DENND1A: variants seen among roughly 807,000 people sequenced by gnomAD.
The protein encoded by DENND1A is DENN domain containing 1A, also known as DENN domain-containing protein 1A.
Under a neutral mutation model 113.7 loss-of-function variants are expected in DENND1A, and 51 were observed. The observed-to-expected ratio is 0.45, with a 90% CI of 0.36 to 0.57. DENND1A has a LOEUF of 0.57. Among genes scored for constraint, DENND1A ranks in the 20% least tolerant of loss-of-function variants. The pLI is 0.00. For synonymous variants in DENND1A, 565 were observed against 570.8 expected, an observed-to-expected ratio of 0.99 and a Z score of 0.14; for missense variants, 1,258 against 1,395.9, an observed-to-expected ratio of 0.90 and a Z score of 1.57.
chr9:123,566,131 T>C (rs2058040165), intron 12 of DENND1A, among the ~76,000 whole-genome samples: 1 of 152,230 alleles, frequency 6.6e-6, no homozygotes, highest in African/African-American at 2.4e-5. Flanking sequence ...CCAGAGTCTG[T>C]GCTAGTCCAT....
intron 1 of DENND1A, among the ~76,000 whole-genome samples, chr9:123,892,973 T>C (rs1850152197): frequency 6.6e-6 from 1 of 151,820 alleles, no homozygotes; most frequent in Admixed American, 6.6e-5. Context: ...CAGAGTGAGA[T>C]GCCGTCTCAA....
At chr9:123,428,459 A>C (rs1362937515) in intron 19 of DENND1A, among the ~76,000 whole-genome samples, 1 of 152,232 alleles carries the variant, frequency 6.6e-6, no homozygotes, top group East Asian at 1.9e-4. Context: ...TGAATGGGCA[A>C]ACACTGGTAA....
rs1459985769 is a variant in DENND1A at position 123,422,707 on chromosome 9, C to A, written c.1489-10878G>T. Among the ~76,000 whole-genome samples, 1 of 152,200 alleles carries A rather than the reference C, an allele frequency of 6.6e-6. No individual in the cohort carries two copies. Among genetic ancestry groups the A allele is most frequent in the African/African-American group, 2.4e-5 (1 of 41,442 alleles). On this transcript the variant is annotated intron_variant, in intron 19 of 23. Transcript: ENST00000394215. The surrounding 1 kb of genome is among the most constrained non-coding windows in gnomAD (Gnocchi z 4.8). ...AATATCAGAAGGCTGGGGGAATATG[C>A]GGCTCTCCAATTTGTACGGACTGCA...
intron 19 of DENND1A, among the ~76,000 whole-genome samples, chr9:123,424,914 G>GT (rs1438904274): frequency 3.3e-5 from 5 of 152,184 alleles, no homozygotes; most frequent in Non-Finnish European, 7.3e-5. Context: ...CCATCTCTTG[G>GT]TTAGTCCTTG....
chr9:123,807,437 AC>A (rs891042588), intron 2 of DENND1A, among the ~76,000 whole-genome samples: 1 of 152,248 alleles, frequency 6.6e-6, no homozygotes, highest in Non-Finnish European at 1.5e-5. Context: ...ATAATAAATG[AC>A]TAAGCACCTG....
intron 5 of DENND1A, among the ~76,000 whole-genome samples, chr9:123,678,020 T>C (rs1448025253): frequency 6.6e-6 from 1 of 152,106 alleles, no homozygotes; most frequent in African/African-American, 2.4e-5. Context: ...GTCTAGCTGA[T>C]TTCTACTCAT....
chr9:123,424,422 T>C (rs2045556603), intron 19 of DENND1A, among the ~76,000 whole-genome samples: 1 of 152,186 alleles, frequency 6.6e-6, no homozygotes, highest in Non-Finnish European at 1.5e-5. Flanking sequence ...TAAATGTCTC[T>C]AGGATGATTT....
intron 2 of DENND1A, among the ~76,000 whole-genome samples, chr9:123,802,277 G>A (rs1834803617): frequency 6.6e-6 from 1 of 152,118 alleles, no homozygotes; most frequent in Non-Finnish European, 1.5e-5. Flanking sequence ...CCTGGAGGTG[G>A]GATAGATGGC....
chr9:123,855,059 T>G (rs934980905), intron 2 of DENND1A, among the ~76,000 whole-genome samples: 1 of 151,352 alleles, frequency 6.6e-6, no homozygotes, highest in African/African-American at 2.5e-5. Context: ...AATGTCCAGT[T>G]CTATGTAAAT....
At chr9:123,402,009 T>A in intron 21 of DENND1A, 2 of 1,522,522 alleles carry the variant, frequency 1.3e-6, no homozygotes, top group Non-Finnish European at 1.8e-6. Context: ...AGTCCAGTTT[T>A]AAAGAGGGGA....
intron 18 of DENND1A, among the ~76,000 whole-genome samples, chr9:123,446,696 C>T (rs13298363): frequency 0.68 from 102,864 of 152,006 alleles, 36,239 homozygotes; most frequent in Non-Finnish European, 0.78. Context: ...GCATGCCTGT[C>T]GTCCTAGCTA....
Position 123,652,076 on chromosome 9 carries a change from C to T in DENND1A, c.555G>A (p.Leu185=), listed in dbSNP as rs1231088195. 1 of 1,614,120 alleles carries T rather than the reference C, an allele frequency of 6.2e-7. No individual in the cohort carries two copies. The change falls in exon 9 of 24, where the codon TTG becomes TTA. Residue 185 remains leucine (L), a synonymous_variant. Transcript: ENST00000394215. The part of the protein sequence containing the change: ...YFVAVDVNNM[L]HLYASMLYER... ...CGTACAGCATACTGGCGTACAGATG[C>T]AACATGTTGTTAACATCCACAGCCA...
intron 13 of DENND1A, among the ~76,000 whole-genome samples, chr9:123,468,469 T>G (rs540917215): frequency 4.1e-4 from 63 of 152,288 alleles, no homozygotes; most frequent in African/African-American, 1.3e-3. Flanking sequence ...ACAGTCCTTT[T>G]TAAAAACTTA....
chr9:123,652,371 C>G (rs572749708), intron 8 of DENND1A: 1 of 389,550 alleles, frequency 2.6e-6, no homozygotes, highest in Non-Finnish European at 4.8e-6. Context: ...AACATGAGGT[C>G]GCATCCAGCA....
intron 1 of DENND1A, among the ~76,000 whole-genome samples, chr9:123,905,256 C>A (rs1047129686): frequency 1.3e-5 from 2 of 151,740 alleles, no homozygotes; most frequent in African/African-American, 4.9e-5. Flanking sequence ...AAAATCATGC[C>A]AAAATGTAAA....
intron 2 of DENND1A, among the ~76,000 whole-genome samples, chr9:123,858,380 G>A (rs1376670780): frequency 6.6e-6 from 1 of 152,132 alleles, no homozygotes; most frequent in African/African-American, 2.4e-5. Flanking sequence ...CTTTGATATT[G>A]TTTAAAATCT....
At chr9:123,568,919 G>A (rs1365098067) in intron 12 of DENND1A, among the ~76,000 whole-genome samples, 1 of 152,188 alleles carries the variant, frequency 6.6e-6, no homozygotes, top group Non-Finnish European at 1.5e-5. Flanking sequence ...ATGCATAAAA[G>A]AGCTGACAGA....
chr9:123,849,931 G>A (rs1385768074), intron 2 of DENND1A, among the ~76,000 whole-genome samples: 1 of 152,206 alleles, frequency 6.6e-6, no homozygotes, highest in Non-Finnish European at 1.5e-5. Context: ...ACCTGAAAAT[G>A]GGACTGAATT....
intron 16 of DENND1A, among the ~76,000 whole-genome samples, chr9:123,454,123 C>A (rs2047936559): frequency 6.6e-6 from 1 of 152,218 alleles, no homozygotes; most frequent in African/African-American, 2.4e-5. Context: ...GCCTCCCCAG[C>A]AAGACAGGGA....
Sources: gnomAD v4.1 joint callset for allele counts (sites outside exome capture counted in the v4.1 genomes callset) on GRCh38, gnomAD v4.1.1 for gene constraint, Gnocchi (gnomAD v3.1) non-coding constraint, MANE v1.5 for transcripts, NCBI Gene and HGNC (gene_info 2026-07-23, HGNC 2026-07-21) for gene names.